The following PIK3C2G variants were observed in gnomAD, a reference collection of about 807,000 sequenced individuals.
PIK3C2G encodes the protein phosphatidylinositol 3-kinase C2 domain-containing subunit gamma.
PIK3C2G carries 168 observed loss-of-function variants against 181.1 expected under a neutral mutation model. That is an observed-to-expected ratio of 0.93 (90% CI 0.82 to 1.05). PIK3C2G has a LOEUF of 1.05. Ranked by LOEUF, PIK3C2G falls within the 50% of genes least tolerant of loss-of-function variation. The pLI is 0.00. For synonymous variants in PIK3C2G, 573 were observed against 592.2 expected, an observed-to-expected ratio of 0.97 and a Z score of 0.47; for missense variants, 1,869 against 1,732.8, an observed-to-expected ratio of 1.08 and a Z score of -1.40.
chr12:18,526,143 CA>C (rs555543028), intron 24 of PIK3C2G, among the ~76,000 whole-genome samples: 9 of 152,114 alleles, frequency 5.9e-5, no homozygotes, highest in African/African-American at 2.2e-4. Flanking sequence ...TATCTTTTAA[CA>C]AAAAAACTCC....
At chr12:18,368,127 G>T (rs1003476872) in intron 12 of PIK3C2G, among the ~76,000 whole-genome samples, 3 of 152,104 alleles carry the variant, frequency 2.0e-5, no homozygotes, top group Non-Finnish European at 2.9e-5. Context: ...AACACCTGGG[G>T]ATTAAAATTC....
chr12:18,565,022 G>T lies in PIK3C2G; in HGVS notation c.3902+1524G>T, dbSNP rs952692541. Among the ~76,000 whole-genome samples, 3 of 152,212 alleles carry T rather than the reference G, an allele frequency of 2.0e-5. 1 individual carries two copies. The highest frequency in any genetic ancestry group is 4.1e-4 in the South Asian group (2 of 4,822). The stretch of plus-strand genomic sequence containing the variant: ...CTTTGCTCATTACTGCTGCCTGGAG[G>T]TTCTTACATTGATTTTCAAACTGTG... On this transcript the variant is annotated intron_variant, in intron 28 of 32. Coordinates refer to ENST00000538779, the MANE Select transcript of PIK3C2G (RefSeq NM_001288772.2).
At chr12:18,694,891 G>T in the PIK3C2G span, 1 of 1,553,072 alleles carries the variant, frequency 6.4e-7, no homozygotes, top group Non-Finnish European at 8.8e-7. Flanking sequence ...AAATGTAAAA[G>T]AAAATTTATT....
intron 18 of PIK3C2G, among the ~76,000 whole-genome samples, chr12:18,479,520 GAGGTAAGGATTGCCTAACAC>G (rs1939347897): frequency 6.6e-6 from 1 of 152,176 alleles, no homozygotes; most frequent in South Asian, 2.1e-4. Context: ...ACCTGGAGCT[GAGGTAAGGATTGCCTAACAC>G]AGCTATGCAA....
rs551588393 is a variant in PIK3C2G at position 18,395,866 on chromosome 12, T to G, written c.2127-3793T>G. ...CTAGGAAAACCACACCCCTTAAATT[T>G]TAAGAGTATATTTAAAAACCAAGGA... On this transcript the variant is annotated intron_variant, in intron 15 of 32. Coordinates refer to ENST00000538779, the MANE Select transcript of PIK3C2G (RefSeq NM_001288772.2). Among the ~76,000 whole-genome samples the G allele has an allele frequency of 4.0e-5, 6 of 151,084 alleles. No homozygotes were observed. In the South Asian group the frequency reaches 8.4e-4, roughly 21 times the overall value.
At chr12:18,390,490 T>C (rs765380466) in intron 14 of PIK3C2G, among the ~76,000 whole-genome samples, 7 of 152,142 alleles carry the variant, frequency 4.6e-5, no homozygotes, top group Non-Finnish European at 8.8e-5. Context: ...TGAAACATGG[T>C]TTAACAGAAA....
At chr12:18,513,676 GTCTT>G (rs1291136818) in intron 24 of PIK3C2G, among the ~76,000 whole-genome samples, 8 of 151,638 alleles carry the variant, frequency 5.3e-5, no homozygotes, top group Admixed American at 2.0e-4. Flanking sequence ...TATTTGAATA[GTCTT>G]TCTTTTTTTC....
the PIK3C2G span, among the ~76,000 whole-genome samples, chr12:18,674,739 C>T: frequency 6.6e-6 from 1 of 152,120 alleles, no homozygotes; most frequent in African/African-American, 2.4e-5. Flanking sequence ...CTAACTAACA[C>T]GATAGAGTGA....
chr12:18,723,131 T>C, the PIK3C2G span, among the ~76,000 whole-genome samples: 2 of 152,072 alleles, frequency 1.3e-5, no homozygotes, highest in African/African-American at 2.4e-5. Context: ...TTGCATACTA[T>C]AGCATTCTAA....
At chr12:18,416,868 G>C (rs1945209368) in intron 16 of PIK3C2G, among the ~76,000 whole-genome samples, 1 of 152,170 alleles carries the variant, frequency 6.6e-6, no homozygotes, top group Non-Finnish European at 1.5e-5. Context: ...GGATCAAGGA[G>C]TCATTTTGAC....
At chr12:18,625,983 A>G (rs1183910107) in intron 31 of PIK3C2G, among the ~76,000 whole-genome samples, 4 of 151,850 alleles carry the variant, frequency 2.6e-5, no homozygotes, top group Non-Finnish European at 5.9e-5. Flanking sequence ...CTCACTTTGT[A>G]TCTTTTATTA....
chr12:18,520,347 G>A (rs2136178507), intron 24 of PIK3C2G, among the ~76,000 whole-genome samples: 1 of 152,024 alleles, frequency 6.6e-6, no homozygotes, highest in African/African-American at 2.4e-5. Context: ...TTCTCTTTCA[G>A]GTACTCCAAT....
chr12:18,424,139 T>C (rs1031940073), intron 18 of PIK3C2G, 100 bp downstream of exon 18: 6 of 677,394 alleles, frequency 8.9e-6, no homozygotes, highest in African/African-American at 7.2e-5. Context: ...TTATAATTGA[T>C]ACAGACCATA....
At chr12:18,341,815 T>C (rs1939169274) in intron 9 of PIK3C2G, among the ~76,000 whole-genome samples, 1 of 152,140 alleles carries the variant, frequency 6.6e-6, no homozygotes, top group African/African-American at 2.4e-5. Flanking sequence ...AACTGTGAAA[T>C]TTAAGAAGCT....
chr12:18,248,582 C>T (rs780019181), intron 1 of PIK3C2G, among the ~76,000 whole-genome samples: 6 of 41,718 alleles, frequency 1.4e-4, no homozygotes, highest in Non-Finnish European at 3.7e-4. Flanking sequence ...AACAAAACAA[C>T]AACAACAACA....
At position 18,605,872 on chromosome 12, in the gene PIK3C2G, G is replaced by T. The variant is rs555084987; in HGVS notation, c.4088-3663G>T. ...GGCGCTTATAAACACAGGCTTTGGA[G>T]ATCACTTAAACCTGCACCGTTTATT... On this transcript the variant is annotated intron_variant, in intron 30 of 32. Coordinates refer to ENST00000538779, the MANE Select transcript of PIK3C2G (RefSeq NM_001288772.2). Among the ~76,000 whole-genome samples, 4 of 152,198 alleles carry T rather than the reference G, an allele frequency of 2.6e-5. No homozygotes were observed. In the South Asian group the frequency reaches 6.2e-4, roughly 24 times the overall value.
At chr12:18,705,408 C>T in the PIK3C2G span, 1 of 1,484,434 alleles carries the variant, frequency 6.7e-7, no homozygotes, top group Non-Finnish European at 9.4e-7. Flanking sequence ...TTAAAACTTA[C>T]TTCTAACGTT....
chr12:18,661,197 A>G, the PIK3C2G span, among the ~76,000 whole-genome samples: 2 of 152,152 alleles, frequency 1.3e-5, no homozygotes, highest in Non-Finnish European at 2.9e-5. Context: ...CCATTGTAAG[A>G]GTTCTGCAAG....
At chr12:18,506,352 T>C (rs1941837267) in intron 24 of PIK3C2G, among the ~76,000 whole-genome samples, 2 of 152,302 alleles carry the variant, frequency 1.3e-5, no homozygotes, top group South Asian at 4.1e-4. Flanking sequence ...GCTTTTATTT[T>C]TTAAGTTCAG....
Sources: allele counts gnomAD v4.1 joint callset (sites outside exome capture counted in the v4.1 genomes callset), GRCh38; gene constraint gnomAD v4.1.1; transcripts MANE v1.5; gene names NCBI Gene and HGNC (gene_info 2026-07-23, HGNC 2026-07-21).